The following CC2D1A variants were observed in gnomAD, a reference collection of about 807,000 sequenced individuals.
CC2D1A encodes coiled-coil and C2 domain containing 1A.
A neutral mutation model predicts 123.8 loss-of-function variants in CC2D1A; 68 were observed. The ratio of observed to expected loss-of-function variants is 0.55; its 90% CI spans 0.45 to 0.67. The LOEUF (loss-of-function observed/expected upper bound fraction) is 0.67, where lower values mean the gene tolerates loss of function less well. Ranked by LOEUF, CC2D1A falls within the 30% of genes least tolerant of loss-of-function variation. CC2D1A has a pLI of 0.00. For missense variants in CC2D1A, 1,185 were observed against 1,290.3 expected (o/e 0.92, Z 1.25); for synonymous variants, 477 against 528.0 (o/e 0.90, Z 1.32).
chr19:13,925,377 G>A (rs1286000011), intron 17 of CC2D1A, among the ~76,000 whole-genome samples: 1 of 152,014 alleles, frequency 6.6e-6, no homozygotes, highest in Non-Finnish European at 1.5e-5. Context: ...TCAGGAGATC[G>A]AGACCATTCT....
intron 17 of CC2D1A, among the ~76,000 whole-genome samples, chr19:13,926,033 T>C (rs1427654868): frequency 2.2e-5 from 2 of 90,166 alleles, no homozygotes; most frequent in Admixed American, 1.2e-4. Context: ...TATGTGTATA[T>C]ATATATATAT....
rs1250397799 is a variant in CC2D1A at position 13,926,056 on chromosome 19, A to ATG, written c.1941-459_1941-458dup. Among the ~76,000 whole-genome samples, 20 of 126,926 alleles carry ATG rather than the reference A, an allele frequency of 1.6e-4. 1 individual carries two copies. The highest frequency in any genetic ancestry group is 4.9e-4 in the African/African-American group (13 of 26,674). The allele number at this position is 126,926 out of a possible 152,430, so 83.3% of individuals were successfully genotyped here. A position where few individuals can be genotyped will look rare whatever the true frequency, so the allele number is the denominator to read the frequency against. ...TATATATATATATACACGTATATAT[A>ATG]TGTATATATACACACACACACACAC... On this transcript the variant is annotated intron_variant, in intron 17 of 28. Transcript: ENST00000318003.
At chr19:13,920,178 G>T (rs1372465475) in intron 12 of CC2D1A, 1 of 527,716 alleles carries the variant, frequency 1.9e-6, no homozygotes. Flanking sequence ...CTGAACTAAG[G>T]AGTTCAAGGC....
chr19:13,926,610 G>C lies in CC2D1A; in HGVS notation c.2014+20G>C. On this transcript the variant is annotated intron_variant, in intron 18 of 28. Transcript: ENST00000318003. Reference sequence around the variant, plus strand: ...CCCCAGGTGAGGGGGCTGTAGGCAAGGGTCAGGGTCATGGGGACCCCCTCT... The same window carrying C: ...CCCCAGGTGAGGGGGCTGTAGGCAACGGTCAGGGTCATGGGGACCCCCTCT... 6.2e-7 allele frequency: 1 copy of C among 1,614,196 alleles called. No individual in the cohort carries two copies. Among genetic ancestry groups the C allele is most frequent in the East Asian group, 2.2e-5 (1 of 44,864 alleles).
rs1415868521 is a variant in CC2D1A, at chr19:13,918,128, G to A, written c.807G>A (p.Leu269=). The change falls in exon 7 of 29, where the codon CTG becomes CTA. Residue 269 remains leucine, a synonymous_variant. Transcript: ENST00000318003. The stretch of plus-strand genomic sequence containing the variant: ...AGAGCCGCCAGCGCGACTACAAGCT[G>A]GCTGCCCTCCACGCCAAGCAGCAGG... The part of the protein sequence containing the change: ...QLQSRQRDYK[L]AALHAKQQGD... The A allele has an allele frequency of 2.5e-6, 4 of 1,611,836 alleles. No homozygotes were observed. The highest frequency in any genetic ancestry group is 3.4e-6 in the Non-Finnish European group (4 of 1,179,726).
At chr19:13,913,735 A>G in intron 6 of CC2D1A, 97 bp downstream of exon 6, 1 of 934,648 alleles carries the variant, frequency 1.1e-6, no homozygotes, top group Admixed American at 2.9e-5. Flanking sequence ...TGATTGTGAG[A>G]TATTTTCAAC....
intron 2 of CC2D1A, among the ~76,000 whole-genome samples, chr19:13,910,276 C>G (rs988448930): frequency 3.3e-5 from 5 of 150,802 alleles, no homozygotes; most frequent in African/African-American, 1.2e-4. Flanking sequence ...GGCGTGGTGG[C>G]GGGCGCCTGT....
chr19:13,920,729 T>C (rs1971382496), intron 13 of CC2D1A, 21 bp from the exon 14 acceptor site: 1 of 1,612,476 alleles, frequency 6.2e-7, no homozygotes, highest in Admixed American at 1.7e-5. Context: ...GCAGCACCCA[T>C]AGCAGCTCCT....
rs199717745 is a variant in CC2D1A, at chr19:13,920,599, C to G, written c.1399C>G (p.Pro467Ala). Reference protein sequence around the residue: ...VAPTAQPKAPPSRTPQSGSAP... With the variant: ...VAPTAQPKAPASRTPQSGSAP... ...CCCCACAGCCCAGCCCAAAGCCCCA[C>G]CCTCAAGAACTCCCCAGTCGGGATC... The change falls in exon 13 of 29, where the codon CCC becomes GCC. Residue 467 changes from proline to alanine, a missense_variant. Coordinates refer to ENST00000318003, the MANE Select transcript of CC2D1A (RefSeq NM_017721.5). 170 of 1,610,346 alleles carry G rather than the reference C, an allele frequency of 1.1e-4. 1 individual carries two copies. In the African/African-American group the frequency reaches 2.0e-3, roughly 19 times the overall value.
Position 13,927,093 on chromosome 19 carries a change from C to A in CC2D1A, c.2225+16C>A. ...TTCACAAGGGGTGAGCTAGAGAGAG[C>A]CATGGCCGCTGGGTGGGCTCCAGGG... On this transcript the variant is annotated intron_variant, in intron 21 of 28. Coordinates refer to ENST00000318003, the MANE Select transcript of CC2D1A (RefSeq NM_017721.5). The A allele has an allele frequency of 3.1e-6, 5 of 1,612,630 alleles. No individual in the cohort carries two copies. The highest frequency in any genetic ancestry group is 4.2e-6 in the Non-Finnish European group (5 of 1,178,716).
In CC2D1A at chr19:13,923,790, A is replaced by G; in HGVS notation, c.1919A>G (p.Gln640Arg). ...CCCACGCCCACCGCCCGCTTTGAGC[A>G]AAGGACCTTCAGCGTCATCAAGTAA... ...GLPTPTARFE[Q>R]RTFSVIKIFP... is the part of the protein sequence containing the mutation. Residue 640 changes from glutamine to arginine, a missense_variant, in exon 17 of 29, where the codon CAA becomes CGA. Physicochemically the swap from Gln to Arg is conservative, Grantham distance 43. Transcript: ENST00000318003. The surrounding 1 kb of genome is among the most constrained non-coding windows in gnomAD (Gnocchi z 5.3). 1.9e-6 allele frequency: 3 copies of G among 1,613,950 alleles called. No individual in the cohort carries two copies. The highest frequency in any genetic ancestry group is 1.6e-4 in the Middle Eastern group (1 of 6,062).
chr19:13,924,296 G>C (rs1239013584), intron 17 of CC2D1A, among the ~76,000 whole-genome samples: 1 of 150,018 alleles, frequency 6.7e-6, no homozygotes, highest in Non-Finnish European at 1.5e-5. Flanking sequence ...TCAGCCTCCC[G>C]AGAAGCTGGG....
intron 11 of CC2D1A, 95 bp downstream of exon 11, chr19:13,919,297 T>G: frequency 2.1e-6 from 2 of 943,430 alleles, no homozygotes; most frequent in East Asian, 5.3e-5. Flanking sequence ...TGCCCCAAGC[T>G]CCTGTTCCTC....
At chr19:13,916,070 A>G (rs1971194678) in intron 6 of CC2D1A, among the ~76,000 whole-genome samples, 1 of 152,118 alleles carries the variant, frequency 6.6e-6, no homozygotes, top group South Asian at 2.1e-4. Flanking sequence ...AGCCCTGGCC[A>G]ACATGGTGAG....
In CC2D1A at chr19:13,906,474, G is replaced by T; in HGVS notation, c.33G>T (p.Pro11=). The T allele has an allele frequency of 6.6e-7, 1 of 1,513,638 alleles. No individual in the cohort carries two copies. 93.8% of individuals were successfully genotyped at this position (1,513,638 alleles called of 1,614,324 possible). The change falls in exon 1 of 29, where the codon CCG becomes CCT. Residue 11 remains proline (P), a synonymous_variant. Coordinates refer to ENST00000318003, the MANE Select transcript of CC2D1A (RefSeq NM_017721.5). This position sits in a 1 kb window ranked among gnomAD's most constrained non-coding sequence, Gnocchi z 4.1. The part of the protein sequence containing the change: MHKRKGPPGP[P]GRGAAAARQL... ...AGAGGAAAGGACCCCCGGGACCCCC[G>T]GGCAGAGGCGCCGCGGCCGCCCGCC...
Position 13,918,826 on chromosome 19 carries a change from T to C in CC2D1A, c.1018+9T>C, listed in dbSNP as rs762923544. The C allele has an allele frequency of 8.7e-6, 14 of 1,612,904 alleles. No homozygotes were observed. In the East Asian group the frequency reaches 1.3e-4, roughly 15 times the overall value. ...GGCGCCCTCCACAACAGGTAGGTTC[T>C]GGGACCCTCTGGGGTTGGGGGCAGG... On this transcript the variant is annotated intron_variant, in intron 9 of 28. Transcript: ENST00000318003.
Position 13,923,431 on chromosome 19 carries a change from C to G in CC2D1A, c.1740C>G (p.Thr580=). The G allele has an allele frequency of 6.2e-7, 1 of 1,613,986 alleles. No homozygotes were observed. Among genetic ancestry groups the G allele is most frequent in the East Asian group, 2.2e-5 (1 of 44,884 alleles). The change falls in exon 15 of 29, where the codon ACC becomes ACG. Residue 580 remains threonine (T), a synonymous_variant. Coordinates refer to ENST00000318003, the MANE Select transcript of CC2D1A (RefSeq NM_017721.5). This position sits in a 1 kb window ranked among gnomAD's most constrained non-coding sequence, Gnocchi z 5.3. ...CCGCCCGGCGCTATGGTGAACTCAC[C>G]AAGCTCATACGGCAGCAGCACGAGG... ...QEAARRYGEL[T]KLIRQQHEMC... is the part of the protein sequence containing the mutation.
intron 6 of CC2D1A, among the ~76,000 whole-genome samples, chr19:13,914,274 A>G (rs1914179171): frequency 1.3e-5 from 2 of 151,196 alleles, no homozygotes; most frequent in Admixed American, 6.6e-5. Context: ...CCTGGGCTCA[A>G]GGGATCTTCC....
chr19:13,906,577 C>G lies in CC2D1A; in HGVS notation c.60+76C>G. 1.1e-6 allele frequency: 1 copy of G among 930,762 alleles called. No homozygotes were observed. Among genetic ancestry groups the G allele is most frequent in the East Asian group, 3.3e-5 (1 of 30,520 alleles). The allele number at this position is 930,762 out of a possible 1,614,324, so 57.7% of individuals were successfully genotyped here. ...ACTCGCTCAGGGAAGGGCCCCACCC[C>G]CCAGGGAAGCCCGATCTCCGCCCCA... On this transcript the variant is annotated intron_variant, in intron 1 of 28. Coordinates refer to ENST00000318003, the MANE Select transcript of CC2D1A (RefSeq NM_017721.5). This position sits in a 1 kb window ranked among gnomAD's most constrained non-coding sequence, Gnocchi z 4.1.
Sources: allele counts gnomAD v4.1 joint callset (sites outside exome capture counted in the v4.1 genomes callset), GRCh38; gene constraint gnomAD v4.1.1; non-coding constraint Gnocchi (gnomAD v3.1); transcripts MANE v1.5; gene names NCBI Gene and HGNC (gene_info 2026-07-23, HGNC 2026-07-21).